TNIK: variants seen among roughly 807,000 people sequenced by gnomAD.
TNIK encodes the protein TRAF2 and NCK interacting kinase.
Under a neutral mutation model 191.3 loss-of-function variants are expected in TNIK, and 49 were observed. The observed-to-expected ratio is 0.26, with a 90% confidence interval of 0.20 to 0.32. The LOEUF is 0.32. Among genes scored for constraint, TNIK ranks in the 10% least tolerant of loss-of-function variants. The pLI is 1.00. For missense variants in TNIK, 1,155 were observed against 1,702.3 expected (o/e 0.68, Z 5.66); for synonymous variants, 594 against 600.9 (o/e 0.99, Z 0.17).
chr3:171,288,847 C>G (rs1244790754), intron 2 of TNIK, among the ~76,000 whole-genome samples: 4 of 148,104 alleles, frequency 2.7e-5, no homozygotes, highest in Admixed American at 2.7e-4. Flanking sequence ...AGATTTGAAG[C>G]ACTAACAATA....
chr3:171,226,290 C>T (rs1331218311), intron 3 of TNIK, among the ~76,000 whole-genome samples: 1 of 152,122 alleles, frequency 6.6e-6, no homozygotes, highest in Non-Finnish European at 1.5e-5. Flanking sequence ...CTGGAAGGGG[C>T]TCATTTGTAC....
At chr3:171,079,966 T>C (rs141029207) in intron 27 of TNIK, among the ~76,000 whole-genome samples, 8 of 152,340 alleles carry the variant, frequency 5.3e-5, no homozygotes, top group Non-Finnish European at 1.2e-4. Context: ...TAGTAAGAGC[T>C]AACTCTTCAA....
chr3:171,414,921 A>G (rs1158002772), intron 1 of TNIK, among the ~76,000 whole-genome samples: 1 of 152,190 alleles, frequency 6.6e-6, no homozygotes, highest in Non-Finnish European at 1.5e-5. Flanking sequence ...CTGTTTTCCT[A>G]GAAGTAGAGT....
chr3:171,334,120 A>G (rs919946649), intron 2 of TNIK, among the ~76,000 whole-genome samples: 1 of 152,230 alleles, frequency 6.6e-6, no homozygotes, highest in Non-Finnish European at 1.5e-5. Flanking sequence ...GGGGCTGATC[A>G]CAATGACTGT....
At chr3:171,379,111 A>G (rs995965990) in intron 1 of TNIK, among the ~76,000 whole-genome samples, 2 of 152,224 alleles carry the variant, frequency 1.3e-5, no homozygotes, top group African/African-American at 4.8e-5. Flanking sequence ...GCACATGGCC[A>G]GTTTGACAGT....
chr3:171,136,844 G>A (rs2108616827), intron 15 of TNIK, among the ~76,000 whole-genome samples: 1 of 152,280 alleles, frequency 6.6e-6, no homozygotes, highest in South Asian at 2.1e-4. Flanking sequence ...TTATTAAGGG[G>A]TCGATGCTGT....
rs1263037067 is a variant in TNIK, at chr3:171,061,442, CT to C, written c.*2438del. On this transcript the variant is annotated 3_prime_UTR_variant, in exon 33 of 33. Transcript: ENST00000436636. ...AACAAGACTGCATTAATATTGTTTTCTTATGATTTGTTTCAATGACTCTAGA... is the reference window on the plus strand; with the variant it reads ...AACAAGACTGCATTAATATTGTTTTCTATGATTTGTTTCAATGACTCTAGA... 3 of 152,084 alleles carry C rather than the reference CT, an allele frequency of 2.0e-5. No individual in the cohort carries two copies. The East Asian group carries it at 5.8e-4, about 29-fold the overall frequency. The allele number at this position is 152,084 out of a possible 1,614,324, so 9.4% of individuals were successfully genotyped here.
chr3:171,308,232 G>C (rs912863054), intron 2 of TNIK, among the ~76,000 whole-genome samples: 9 of 152,050 alleles, frequency 5.9e-5, no homozygotes, highest in Admixed American at 5.9e-4. Flanking sequence ...CAGACATATA[G>C]ATGAATGAAA....
intron 2 of TNIK, among the ~76,000 whole-genome samples, chr3:171,293,689 G>A (rs1751944698): frequency 6.6e-6 from 1 of 152,034 alleles, no homozygotes; most frequent in African/African-American, 2.4e-5. Context: ...TATTTTTAGA[G>A]TTACCTTCTA....
At chr3:171,193,445 G>A (rs573253176) in intron 5 of TNIK, among the ~76,000 whole-genome samples, 2 of 152,300 alleles carry the variant, frequency 1.3e-5, no homozygotes, top group South Asian at 2.1e-4. Context: ...GTGAAATAAT[G>A]TACACCTCCA....
At chr3:171,435,556 G>C (rs1270824940) in intron 1 of TNIK, among the ~76,000 whole-genome samples, 1 of 152,146 alleles carries the variant, frequency 6.6e-6, no homozygotes, top group Admixed American at 6.5e-5. Flanking sequence ...CTTAATCCTA[G>C]TCTATTAAAA....
In TNIK at chr3:171,157,446, G is replaced by A. The variant is rs765868481; in HGVS notation, c.1221+14C>T. The A allele has an allele frequency of 8.4e-6, 13 of 1,554,354 alleles. No individual in the cohort carries two copies. The highest frequency in any genetic ancestry group is 1.4e-5 in the African/African-American group (1 of 73,118). ...AGAGGCTTGGGGTCAGAGGTGGCCC[G>A]AGCAGGTCCTCACCTCCTCCAGCCG... On this transcript the variant is annotated intron_variant, in intron 12 of 32. Coordinates refer to ENST00000436636, the MANE Select transcript of TNIK (RefSeq NM_015028.4).
chr3:171,300,082 A>G (rs897571945), intron 2 of TNIK, among the ~76,000 whole-genome samples: 6 of 152,250 alleles, frequency 3.9e-5, no homozygotes, highest in Non-Finnish European at 8.8e-5. Flanking sequence ...AAGTCTCACA[A>G]AGATAAATGG....
chr3:171,237,468 G>C (rs1279540965), intron 2 of TNIK, among the ~76,000 whole-genome samples: 1 of 150,884 alleles, frequency 6.6e-6, no homozygotes, highest in Non-Finnish European at 1.5e-5. Context: ...ATGAAATTTA[G>C]TGAGCAACTT....
At chr3:171,340,539 G>A (rs1467968807) in intron 2 of TNIK, among the ~76,000 whole-genome samples, 2 of 152,138 alleles carry the variant, frequency 1.3e-5, no homozygotes, top group Non-Finnish European at 2.9e-5. Context: ...CTGATCCCAT[G>A]GCACACAACT....
At chr3:171,271,637 T>C (rs1387635029) in intron 2 of TNIK, among the ~76,000 whole-genome samples, 2 of 152,248 alleles carry the variant, frequency 1.3e-5, no homozygotes, top group Non-Finnish European at 2.9e-5. Flanking sequence ...AGCTATTTTA[T>C]TAAAATATTT....
chr3:171,124,829 C>A (rs756355675), intron 17 of TNIK, among the ~76,000 whole-genome samples: 1 of 152,116 alleles, frequency 6.6e-6, no homozygotes, highest in Non-Finnish European at 1.5e-5. Context: ...TGTATGCCTG[C>A]GTATTTTTAG....
intron 2 of TNIK, among the ~76,000 whole-genome samples, chr3:171,272,155 C>A (rs753568831): frequency 3.9e-5 from 6 of 152,200 alleles, no homozygotes; most frequent in South Asian, 4.1e-4. Flanking sequence ...GGCCACCATG[C>A]AAACACATGC....
chr3:171,453,553 G>A (rs919234644), intron 1 of TNIK, among the ~76,000 whole-genome samples: 1 of 152,166 alleles, frequency 6.6e-6, no homozygotes, highest in Non-Finnish European at 1.5e-5. Flanking sequence ...TTAGTTTTCA[G>A]TCTGTAGACT....
Sources: gnomAD v4.1 joint callset for allele counts (sites outside exome capture counted in the v4.1 genomes callset) on GRCh38, gnomAD v4.1.1 for gene constraint, MANE v1.5 for transcripts, NCBI Gene and HGNC (gene_info 2026-07-23, HGNC 2026-07-21) for gene names.